Variants in SPTBN1 observed in about 807,000 individuals in gnomAD.
SPTBN1 encodes spectrin beta chain, non-erythrocytic 1.
Under a neutral mutation model 266.4 loss-of-function variants are expected in SPTBN1, and 32 were observed. The ratio of observed to expected loss-of-function variants is 0.12; its 90% confidence interval spans 0.09 to 0.16. SPTBN1 has a LOEUF of 0.16. Among genes scored for constraint, SPTBN1 ranks in the 10% least tolerant of loss-of-function variants. SPTBN1 has a pLI of 1.00. For synonymous variants in SPTBN1, 1,336 were observed against 1,162.2 expected (o/e 1.15, Z -3.04); for missense variants, 2,296 against 3,067.1 (o/e 0.75, Z 5.94).
intron 1 of SPTBN1, among the ~76,000 whole-genome samples, chr2:54,512,320 A>G (rs185948893): frequency 1.3e-5 from 2 of 152,270 alleles, no homozygotes; most frequent in East Asian, 3.9e-4. Context: ...CATTTTGTTT[A>G]TTTGAAAGGT....
intron 2 of SPTBN1, chr2:54,557,956 G>T (rs1236861213): frequency 1.0e-6 from 1 of 984,988 alleles, no homozygotes; most frequent in East Asian, 1.1e-4. Context: ...GCGCGCCCAG[G>T]TGCGGGCCGC....
chr2:54,526,288 T>C (rs1437963309), intron 1 of SPTBN1, 84 bp from the exon 2 acceptor site: 1 of 1,125,628 alleles, frequency 8.9e-7, no homozygotes, highest in Non-Finnish European at 1.2e-6. Context: ...TGTTTTTATT[T>C]TCTGCTCACT....
At position 54,664,407 on chromosome 2, in the gene SPTBN1, C is replaced by G; in HGVS notation, c.6421-46C>G. The G allele has an allele frequency of 6.3e-7, 1 of 1,578,624 alleles. No individual in the cohort carries two copies. The highest frequency in any genetic ancestry group is 8.7e-7 in the Non-Finnish European group (1 of 1,154,282). ...GTCAGGTAGAGCGTATGTGGTCACC[C>G]CCATGGCTCACGGAGTTAGCTGAAT... On this transcript the variant is annotated intron_variant, in intron 32 of 35. Transcript: ENST00000356805. This position sits in a 1 kb window ranked among gnomAD's most constrained non-coding sequence, Gnocchi z 5.6.
intron 2 of SPTBN1, among the ~76,000 whole-genome samples, chr2:54,570,630 A>G (rs1212721054): frequency 1.3e-5 from 2 of 152,262 alleles, no homozygotes; most frequent in South Asian, 4.1e-4. Flanking sequence ...GTGTGTGTGC[A>G]TGTTGCCTGA....
chr2:54,518,454 T>TAA (rs66586310), intron 1 of SPTBN1, among the ~76,000 whole-genome samples: 65,072 of 143,582 alleles, frequency 0.45, 15,247 homozygotes, highest in African/African-American at 0.57. Context: ...AAAGTATAAT[T>TAA]AAAAAAAAAA....
chr2:54,596,315 C>T (rs1676090410), intron 2 of SPTBN1, among the ~76,000 whole-genome samples: 1 of 152,222 alleles, frequency 6.6e-6, no homozygotes, highest in African/African-American at 2.4e-5. Flanking sequence ...GGACCCGAAG[C>T]CTGATCCTCT....
chr2:54,661,773 A>G lies in SPTBN1; in HGVS notation c.6420+1774A>G, dbSNP rs532290865. The G allele has an allele frequency of 6.0e-5, 59 of 985,422 alleles. 1 individual carries two copies. In the East Asian group the frequency reaches 2.5e-3, roughly 42 times the overall value. The allele number at this position is 985,422 out of a possible 1,614,324, so 61.0% of individuals were successfully genotyped here. Reference sequence around the variant, plus strand: ...GTGTGTGTTTAAATTTTGTATCATCAGGACTGACACCCAATTTGACACTTT... The same window carrying G: ...GTGTGTGTTTAAATTTTGTATCATCGGGACTGACACCCAATTTGACACTTT... On this transcript the variant is annotated intron_variant, in intron 32 of 35. Transcript: ENST00000356805.
intron 5 of SPTBN1, 109 bp downstream of exon 5, chr2:54,616,407 G>A: frequency 1.1e-6 from 1 of 905,806 alleles, no homozygotes; most frequent in Non-Finnish European, 1.6e-6. Flanking sequence ...CTTCCATTGG[G>A]AAGTCTTGTT....
chr2:54,466,346 A>G (rs1693628251), intron 1 of SPTBN1, among the ~76,000 whole-genome samples: 1 of 97,220 alleles, frequency 1.0e-5, no homozygotes, highest in Non-Finnish European at 1.9e-5. Context: ...GTAATTAAGT[A>G]TGTTTATTCT....
At chr2:54,516,695 G>A (rs1670126855) in intron 1 of SPTBN1, among the ~76,000 whole-genome samples, 1 of 152,200 alleles carries the variant, frequency 6.6e-6, no homozygotes, top group Admixed American at 6.5e-5. Flanking sequence ...CTCTAGAAGT[G>A]TGAACTCAAA....
chr2:54,656,097 TGTTCGA>T (rs1680635351), intron 29 of SPTBN1, 99 bp downstream of exon 29: 1 of 1,078,384 alleles, frequency 9.3e-7, no homozygotes, highest in Non-Finnish European at 1.3e-6. Flanking sequence ...ATTTAAAGAT[TGTTCGA>T]GTTGTAGATG....
chr2:54,660,885 TTA>T, intron 32 of SPTBN1: 2 of 985,454 alleles, frequency 2.0e-6, no homozygotes, highest in Non-Finnish European at 2.4e-6. Flanking sequence ...TCAGCATGTT[TTA>T]GAAGCTTGCC....
chr2:54,625,081 C>G, intron 11 of SPTBN1, 119 bp downstream of exon 11: 1 of 1,244,250 alleles, frequency 8.0e-7, no homozygotes, highest in Non-Finnish European at 1.1e-6. Context: ...TCTGGAGGAA[C>G]GTCAGGTCAC....
chr2:54,574,784 G>T (rs966210366), intron 2 of SPTBN1, among the ~76,000 whole-genome samples: 34 of 152,198 alleles, frequency 2.2e-4, no homozygotes, highest in Non-Finnish European at 7.4e-5. Flanking sequence ...GATGTAGTTA[G>T]TTAAACCACT....
chr2:54,632,523 T>C, intron 16 of SPTBN1, 43 bp from the exon 17 acceptor site: 1 of 1,587,856 alleles, frequency 6.3e-7, no homozygotes, highest in Non-Finnish European at 8.6e-7. Context: ...GAAAATGAGA[T>C]CCTTCATTGA....
At chr2:54,498,204 C>CT (rs1215541307) in intron 1 of SPTBN1, among the ~76,000 whole-genome samples, 2 of 152,196 alleles carry the variant, frequency 1.3e-5, no homozygotes, top group African/African-American at 4.8e-5. Context: ...AGAGCATAGA[C>CT]TAAGTGCTTC....
intron 28 of SPTBN1, among the ~76,000 whole-genome samples, 195 bp downstream of exon 28, chr2:54,655,403 C>G (rs1680584492): frequency 6.6e-6 from 1 of 152,192 alleles, no homozygotes; most frequent in Non-Finnish European, 1.5e-5. Context: ...AAATCTCTGG[C>G]ACAGAAGACA....
intron 3 of SPTBN1, among the ~76,000 whole-genome samples, chr2:54,600,734 G>A (rs897316233): frequency 2.8e-5 from 4 of 141,856 alleles, no homozygotes; most frequent in African/African-American, 8.0e-5. Context: ...TTTTTTTGTG[G>A]AGTGGGGGAA....
At position 54,487,832 on chromosome 2, in the gene SPTBN1, C is replaced by CTTTTTTTTTTTTTTT. The variant is rs70944169; in HGVS notation, c.-48+31315_-48+31329dup. Among the ~76,000 whole-genome samples, 94 of 68,646 alleles carry CTTTTTTTTTTTTTTT rather than the reference C, an allele frequency of 1.4e-3. 12 individuals are homozygous for CTTTTTTTTTTTTTTT. The highest frequency in any genetic ancestry group is 2.3e-3 in the African/African-American group (42 of 18,156). The allele number at this position is 68,646 out of a possible 152,430, so 45.0% of individuals were successfully genotyped here. ...TTCACTTGATGGTCTCCTCCTGTGTCTTTTTTTTTTTTTTTGAGACGGAGT... is the reference window on the plus strand; with the variant it reads ...TTCACTTGATGGTCTCCTCCTGTGTCTTTTTTTTTTTTTTTTTTTTTTTTTTTTTTGAGACGGAGT... On this transcript the variant is annotated intron_variant, in intron 1 of 35. Transcript: ENST00000356805.
Sources: gnomAD v4.1 joint callset for allele counts (sites outside exome capture counted in the v4.1 genomes callset) on GRCh38, gnomAD v4.1.1 for gene constraint, Gnocchi (gnomAD v3.1) non-coding constraint, MANE v1.5 for transcripts, NCBI Gene and HGNC (gene_info 2026-07-23, HGNC 2026-07-21) for gene names.